Variants in RCBTB2 observed in about 807,000 individuals in gnomAD.
RCBTB2 encodes RCC1 and BTB domain-containing protein 2.
A neutral mutation model predicts 65.4 loss-of-function variants in RCBTB2; 55 were observed. That is an observed-to-expected ratio of 0.84 (90% CI 0.68 to 1.05). The LOEUF is 1.05. Ranked by LOEUF, RCBTB2 falls within the 50% of genes least tolerant of loss-of-function variation. The pLI is 0.00. For synonymous variants in RCBTB2, 220 were observed against 255.2 expected, an observed-to-expected ratio of 0.86 and a Z score of 1.31; for missense variants, 599 against 680.1, an observed-to-expected ratio of 0.88 and a Z score of 1.33.
chr13:48,503,017 C>A, intron 10 of RCBTB2, 103 bp from the exon 11 acceptor site: 1 of 1,259,276 alleles, frequency 7.9e-7, no homozygotes, highest in East Asian at 2.9e-5. Flanking sequence ...CATAAAATTA[C>A]AAAAAGGGTC....
intron 10 of RCBTB2, among the ~76,000 whole-genome samples, chr13:48,505,194 T>A (rs1441280947): frequency 6.6e-6 from 1 of 152,174 alleles, no homozygotes; most frequent in Non-Finnish European, 1.5e-5. Context: ...CTTGGTTTCA[T>A]CACATTGCAA....
At position 48,510,718 on chromosome 13, in the gene RCBTB2, A is replaced by G. The variant is rs753729963; in HGVS notation, c.837T>C (p.Tyr279=). Residue 279 remains tyrosine, a synonymous_variant, in exon 10 of 15, where the codon TAT becomes TAC. Transcript: ENST00000344532. Reference sequence around the variant, plus strand: ...GCCCATAAGAATTGGCGCCCCAAGCATACACTTGGCCTTCATCTGTTAATA... The same window carrying G: ...GCCCATAAGAATTGGCGCCCCAAGCGTACACTTGGCCTTCATCTGTTAATA... ...TLVLTDEGQV[Y]AWGANSYGQL... 6.2e-7 allele frequency: 1 copy of G among 1,614,168 alleles called. No homozygotes were observed. Among genetic ancestry groups the G allele is most frequent in the Admixed American group, 1.7e-5 (1 of 60,022 alleles).
chr13:48,519,354 CAG>C (rs1951286808), intron 4 of RCBTB2, among the ~76,000 whole-genome samples: 1 of 152,112 alleles, frequency 6.6e-6, no homozygotes, highest in African/African-American at 2.4e-5. Context: ...CCCTTGCAAG[CAG>C]AGTTTTATAT....
intron 1 of RCBTB2, chr13:48,532,265 G>A (rs1474935408): frequency 6.6e-6 from 1 of 152,270 alleles, no homozygotes; most frequent in Non-Finnish European, 1.5e-5. Flanking sequence ...GCTGAGCAGA[G>A]CACTATGTTG....
chr13:48,524,226 A>C (rs1467730433), intron 2 of RCBTB2, among the ~76,000 whole-genome samples: 1 of 152,228 alleles, frequency 6.6e-6, no homozygotes. Flanking sequence ...CCTGTTATCC[A>C]TGTGATTTCA....
intron 13 of RCBTB2, among the ~76,000 whole-genome samples, chr13:48,498,461 T>C (rs1950074871): frequency 6.6e-6 from 1 of 152,220 alleles, no homozygotes; most frequent in Non-Finnish European, 1.5e-5. Context: ...CCGGGCGCAG[T>C]GGCTCACGCC....
chr13:48,501,993 A>AGCAACTGT (rs1470929401), intron 11 of RCBTB2, 125 bp from the exon 12 acceptor site: 2 of 683,340 alleles, frequency 2.9e-6, no homozygotes, highest in Non-Finnish European at 2.2e-6. Context: ...TGAGCAACTG[A>AGCAACTGT]GCAATGGATT....
chr13:48,530,721 A>G (rs1356774846), intron 1 of RCBTB2, among the ~76,000 whole-genome samples: 1 of 152,268 alleles, frequency 6.6e-6, no homozygotes, highest in Non-Finnish European at 1.5e-5. Flanking sequence ...CACAATTTAC[A>G]TAGATGTCTG....
At chr13:48,496,819 A>AGGAGGGGAGGGGAGAGGAGGGGAGG (rs1950002910) in intron 13 of RCBTB2, among the ~76,000 whole-genome samples, 2 of 53,578 alleles carry the variant, frequency 3.7e-5, no homozygotes, top group African/African-American at 1.6e-4. Flanking sequence ...GGGAGGGGAG[A>AGGAGGGGAGGGGAGAGGAGGGGAGG]GGAGGGGAGG....
intron 10 of RCBTB2, among the ~76,000 whole-genome samples, chr13:48,508,990 G>C (rs1461672893): frequency 6.6e-6 from 1 of 152,152 alleles, no homozygotes; most frequent in Non-Finnish European, 1.5e-5. Context: ...TGTGAGACCA[G>C]GGATGGATGT....
intron 14 of RCBTB2, among the ~76,000 whole-genome samples, chr13:48,493,262 CTTCT>C (rs1430206202): frequency 4.0e-5 from 5 of 125,194 alleles, no homozygotes; most frequent in African/African-American, 2.1e-4. Context: ...CACACACACT[CTTCT>C]CTCTCTCACC....
intron 12 of RCBTB2, 104 bp downstream of exon 12, chr13:48,501,638 T>C: frequency 1.1e-6 from 1 of 929,132 alleles, no homozygotes; most frequent in Non-Finnish European, 1.6e-6. Context: ...AAAAACAGCC[T>C]TACAATTTTT....
intron 1 of RCBTB2, chr13:48,532,820 TC>T (rs1952240293): frequency 3.0e-6 from 1 of 337,946 alleles, no homozygotes; most frequent in South Asian, 2.1e-5. Flanking sequence ...AGCTCTTAAC[TC>T]CCGCCAGCAG....
chr13:48,501,169 G>A (rs144702097), intron 12 of RCBTB2, among the ~76,000 whole-genome samples: 1 of 152,328 alleles, frequency 6.6e-6, no homozygotes, highest in East Asian at 1.9e-4. Flanking sequence ...CTGTCTGGAT[G>A]TGGGGCAGTG....
intron 1 of RCBTB2, among the ~76,000 whole-genome samples, chr13:48,527,320 C>CATATAT (rs72194233): frequency 0.012 from 908 of 77,846 alleles, 35 homozygotes; most frequent in African/African-American, 0.048. Flanking sequence ...TGACTTGGCT[C>CATATAT]ATATATATAT....
At chr13:48,535,786 A>C (rs749184104), upstream of RCBTB2, 10 of 456,394 alleles carry the variant, frequency 2.2e-5, no homozygotes, top group African/African-American at 4.0e-5. Context: ...TGGTTCGTCC[A>C]TCTCACTGGC....
chr13:48,514,482 C>T (rs1950977510), intron 6 of RCBTB2, among the ~76,000 whole-genome samples: 1 of 152,238 alleles, frequency 6.6e-6, no homozygotes, highest in Non-Finnish European at 1.5e-5. Flanking sequence ...CGGGAGACTA[C>T]TGTATATCTG....
intron 10 of RCBTB2, among the ~76,000 whole-genome samples, chr13:48,510,396 T>C (rs1476805734): frequency 6.6e-6 from 1 of 152,224 alleles, no homozygotes; most frequent in Non-Finnish European, 1.5e-5. Flanking sequence ...GCAGTTTGCT[T>C]AGAATAGCTG....
At chr13:48,490,418 A>C (rs1949647908) in intron 14 of RCBTB2, among the ~76,000 whole-genome samples, 167 bp from the exon 15 acceptor site, 2 of 152,256 alleles carry the variant, frequency 1.3e-5, no homozygotes, top group Non-Finnish European at 2.9e-5. Context: ...AAGTATAACA[A>C]GTATGAATCA....
Sources: gnomAD v4.1 joint callset for allele counts (sites outside exome capture counted in the v4.1 genomes callset) on GRCh38, gnomAD v4.1.1 for gene constraint, MANE v1.5 for transcripts, NCBI Gene and HGNC (gene_info 2026-07-23, HGNC 2026-07-21) for gene names.